The following DNAH7 variants were observed in gnomAD, a reference collection of about 807,000 sequenced individuals.
DNAH7 encodes the protein dynein axonemal heavy chain 7.
A neutral mutation model predicts 444.6 loss-of-function variants in DNAH7; 397 were observed. The ratio of observed to expected loss-of-function variants is 0.89; its 90% CI spans 0.82 to 0.97. DNAH7 has a LOEUF of 0.97. Ranked by LOEUF, DNAH7 falls within the 50% of genes least tolerant of loss-of-function variation. The probability of loss-of-function intolerance (pLI) is 0.00; values close to 1 mark genes in which losing one functional copy is unlikely to be tolerated. For missense variants in DNAH7, 4,902 were observed against 4,800.8 expected (o/e 1.02, Z -0.62); for synonymous variants, 1,636 against 1,624.4 (o/e 1.01, Z -0.17).
At chr2:195,907,800 CCGAACCACACTGGATTGTACA>C (rs1409579525) in intron 25 of DNAH7, among the ~76,000 whole-genome samples, 5 of 152,090 alleles carry the variant, frequency 3.3e-5, no homozygotes, top group Admixed American at 3.3e-4. Flanking sequence ...TTTCATTCTT[CCGAACCACACTGGATTGTACA>C]CGAACTCTAT....
intron 59 of DNAH7, among the ~76,000 whole-genome samples, chr2:195,776,606 A>G (rs763777742): frequency 3.8e-4 from 58 of 152,166 alleles, no homozygotes; most frequent in Non-Finnish European, 7.5e-4. Context: ...GCTGATGATT[A>G]TTCTTATCAC....
At chr2:195,787,305 A>G (rs1301574964) in intron 57 of DNAH7, 134 bp from the exon 58 acceptor site, 3 of 938,720 alleles carry the variant, frequency 3.2e-6, no homozygotes, top group Admixed American at 3.0e-5. Flanking sequence ...AATTACAATT[A>G]TAACAGAGTT....
intron 58 of DNAH7, among the ~76,000 whole-genome samples, chr2:195,781,471 G>A (rs1249073248): frequency 5.3e-5 from 8 of 152,128 alleles, no homozygotes; most frequent in Non-Finnish European, 1.2e-4. Flanking sequence ...TTTCCCCAGG[G>A]GTGGGTGGGT....
intron 24 of DNAH7, among the ~76,000 whole-genome samples, chr2:195,914,162 T>A (rs1269658096): frequency 6.6e-6 from 1 of 152,240 alleles, no homozygotes; most frequent in Non-Finnish European, 1.5e-5. Flanking sequence ...ATTGTAATTG[T>A]TTTTTAAACT....
At chr2:195,925,337 C>T (rs1160744210) in intron 22 of DNAH7, among the ~76,000 whole-genome samples, 1 of 152,094 alleles carries the variant, frequency 6.6e-6, no homozygotes, top group Admixed American at 6.6e-5. Context: ...TTGGAGAAAT[C>T]CCTCTGAGTG....
intron 64 of DNAH7, among the ~76,000 whole-genome samples, chr2:195,739,821 C>T (rs550726954): frequency 9.8e-5 from 15 of 152,292 alleles, no homozygotes; most frequent in African/African-American, 3.4e-4. Context: ...GTTCCCAGCT[C>T]GGGTTGAACC....
In DNAH7 at chr2:195,799,415, G is replaced by T; in HGVS notation, c.10234C>A (p.Pro3412Thr). The T allele has an allele frequency of 6.2e-7, 1 of 1,609,952 alleles. No homozygotes were observed. The highest frequency in any genetic ancestry group is 8.5e-7 in the Non-Finnish European group (1 of 1,178,206). Reference sequence around the variant, plus strand: ...GCCTTGGCTAAATCAAAGGGGGGTGGTTCAATGAATGCACGTCCCAATCTG... The same window carrying T: ...GCCTTGGCTAAATCAAAGGGGGGTGTTTCAATGAATGCACGTCCCAATCTG... Reference protein sequence around the residue: ...INRLGRAFIEPPPFDLAKAFG... With the variant: ...INRLGRAFIETPPFDLAKAFG... The change falls in exon 55 of 65, where the codon CCA becomes ACA. Residue 3412 changes from proline (P) to threonine (T), a missense_variant. Coordinates refer to ENST00000312428, the MANE Select transcript of DNAH7 (RefSeq NM_018897.3).
chr2:195,756,134 T>G lies in DNAH7; in HGVS notation c.11585A>C (p.Gln3862Pro). ...NDFLARLKFL[Q>P]QWYEVGPPPV... ...ATACGATCATTTAGACGAACTTACC[T>G]GCAAGAATTTTAGTCTTGCAAGGAA... Residue 3862 changes from glutamine to proline, a missense_variant and splice_region_variant, in exon 62 of 65, where the codon CAG becomes CCG. Gln to Pro is a moderately conservative substitution (Grantham distance 76). Transcript: ENST00000312428. The G allele has an allele frequency of 6.3e-7, 1 of 1,595,388 alleles. No individual in the cohort carries two copies. Among genetic ancestry groups the G allele is most frequent in the East Asian group, 2.2e-5 (1 of 44,506 alleles).
chr2:196,020,110 TA>T (rs1168281070), intron 8 of DNAH7, among the ~76,000 whole-genome samples: 1 of 152,204 alleles, frequency 6.6e-6, no homozygotes. Context: ...ATTTTGTTAA[TA>T]AAATTTTCTT....
intron 18 of DNAH7, among the ~76,000 whole-genome samples, chr2:195,958,100 A>G (rs1032963912): frequency 6.6e-6 from 1 of 151,696 alleles, no homozygotes; most frequent in Non-Finnish European, 1.5e-5. Context: ...GTGTAGGTCC[A>G]CTTTTACACG....
At chr2:195,921,012 T>C (rs115705006) in intron 24 of DNAH7, among the ~76,000 whole-genome samples, 5,671 of 152,178 alleles carry the variant, frequency 0.037, 159 homozygotes, top group Middle Eastern at 0.061. Context: ...AAACCACAAT[T>C]TGATACCACT....
intron 63 of DNAH7, among the ~76,000 whole-genome samples, chr2:195,742,775 A>T (rs1400713033): frequency 6.6e-6 from 1 of 152,198 alleles, no homozygotes; most frequent in Non-Finnish European, 1.5e-5. Context: ...AGTGCTGTCA[A>T]CTGGTGACTG....
chr2:195,753,401 C>T (rs1693902640), intron 63 of DNAH7, among the ~76,000 whole-genome samples: 1 of 152,132 alleles, frequency 6.6e-6, no homozygotes, highest in African/African-American at 2.4e-5. Flanking sequence ...AACTTCTTGG[C>T]ACAGTAATGC....
chr2:195,827,450 T>G (rs1410962630), intron 48 of DNAH7, among the ~76,000 whole-genome samples: 1 of 151,982 alleles, frequency 6.6e-6, no homozygotes, highest in East Asian at 1.9e-4. Flanking sequence ...GCTAATTTTT[T>G]GTGTTTTTGG....
At chr2:196,028,750 A>T (rs1695848522) in intron 5 of DNAH7, among the ~76,000 whole-genome samples, 1 of 152,150 alleles carries the variant, frequency 6.6e-6, no homozygotes, top group African/African-American at 2.4e-5. Context: ...CATTCTCTGG[A>T]TCTCAACTTC....
chr2:195,994,513 T>G (rs1206192991), intron 12 of DNAH7: 1 of 488,306 alleles, frequency 2.0e-6, no homozygotes, highest in Non-Finnish European at 4.0e-6. Context: ...TCCAAGTCGT[T>G]GGAATTGGGT....
chr2:196,024,614 AGTTG>A, intron 7 of DNAH7, 110 bp from the exon 8 acceptor site: 4 of 576,804 alleles, frequency 6.9e-6, no homozygotes, highest in Non-Finnish European at 1.1e-5. Flanking sequence ...ATTATATTAA[AGTTG>A]TTTAATAATG....
At chr2:195,989,318 G>A (rs1693142769) in intron 12 of DNAH7, among the ~76,000 whole-genome samples, 1 of 152,142 alleles carries the variant, frequency 6.6e-6, no homozygotes, top group Non-Finnish European at 1.5e-5. Flanking sequence ...GTGTGTAGGG[G>A]TTCCCTTTTC....
intron 38 of DNAH7, 30 bp downstream of exon 38, chr2:195,875,645 T>C (rs539616541): frequency 2.6e-6 from 4 of 1,531,808 alleles, no homozygotes; most frequent in South Asian, 2.6e-5. Flanking sequence ...GATTTTTCCA[T>C]CTTAGTAATC....
Sources: allele counts gnomAD v4.1 joint callset (sites outside exome capture counted in the v4.1 genomes callset), GRCh38; gene constraint gnomAD v4.1.1; transcripts MANE v1.5; gene names NCBI Gene and HGNC (gene_info 2026-07-23, HGNC 2026-07-21).